Variants in TMTC3 observed in about 807,000 individuals in gnomAD.
TMTC3 encodes the protein transmembrane O-mannosyltransferase targeting cadherins 3.
TMTC3 carries 52 observed loss-of-function variants against 92.2 expected under a neutral mutation model. That is an observed-to-expected ratio of 0.56 (90% CI 0.45 to 0.71). The LOEUF (loss-of-function observed/expected upper bound fraction) is 0.71. Ranked by LOEUF, TMTC3 falls within the 30% of genes least tolerant of loss-of-function variation. TMTC3 has a pLI of 0.00. For missense variants in TMTC3, 896 were observed against 1,057.1 expected, an observed-to-expected ratio of 0.85 and a Z score of 2.11; for synonymous variants, 339 against 363.3, an observed-to-expected ratio of 0.93 and a Z score of 0.76.
chr12:88,160,356 C>G (rs1173654210), intron 5 of TMTC3, 127 bp downstream of exon 5: 2 of 588,186 alleles, frequency 3.4e-6, no homozygotes, highest in Non-Finnish European at 5.5e-6. Context: ...AATAATAATA[C>G]CAGAAATCAT....
intron 4 of TMTC3, among the ~76,000 whole-genome samples, chr12:88,159,365 A>G (rs1305199134): frequency 6.6e-6 from 1 of 152,154 alleles, no homozygotes; most frequent in African/African-American, 2.4e-5. Context: ...ATTGTTAACC[A>G]CTTTCATTTT....
intron 7 of TMTC3, among the ~76,000 whole-genome samples, chr12:88,167,648 G>T (rs1033961449): frequency 2.0e-5 from 3 of 152,048 alleles, no homozygotes; most frequent in Non-Finnish European, 4.4e-5. Flanking sequence ...CACAGTTCAC[G>T]TTTCCAGAGA....
Position 88,166,578 on chromosome 12 carries a change from T to G in TMTC3, c.1046T>G (p.Leu349Ter). 1 of 1,610,604 alleles carries G rather than the reference T, an allele frequency of 6.2e-7. No individual in the cohort carries two copies. The highest frequency in any genetic ancestry group is 8.5e-7 in the Non-Finnish European group (1 of 1,178,922). The change falls in exon 7 of 14, where the codon TTA (leucine) becomes TGA (stop). Residue 349 changes from leucine (L) to a stop codon, truncating the protein, a stop_gained. Coordinates refer to ENST00000266712, the MANE Select transcript of TMTC3 (RefSeq NM_181783.4). LOFTEE classifies it high-confidence loss of function. ...TCTGGTGATTCCTCCAAGACTGTTT[T>G]AATGGTAAGAAACTTTTCTTAACTT... is the stretch of plus-strand genomic sequence containing the variant. Reference protein sequence around the residue: ...RYSGDSSKTVLMALCLMALPF... With the variant: ...RYSGDSSKTV
intron 1 of TMTC3, among the ~76,000 whole-genome samples, chr12:88,144,289 T>C (rs1313948320): frequency 1.3e-5 from 2 of 152,200 alleles, no homozygotes; most frequent in East Asian, 3.8e-4. Flanking sequence ...CAAATACCTC[T>C]GACAATGGTA....
chr12:88,165,504 A>G (rs114934122), intron 6 of TMTC3, among the ~76,000 whole-genome samples: 3 of 151,970 alleles, frequency 2.0e-5, no homozygotes, highest in Non-Finnish European at 1.5e-5. Flanking sequence ...CAAATATTTG[A>G]TATGTTTTCA....
chr12:88,150,726 G>A (rs1236565684), intron 2 of TMTC3, among the ~76,000 whole-genome samples: 1 of 152,104 alleles, frequency 6.6e-6, no homozygotes, highest in Non-Finnish European at 1.5e-5. Flanking sequence ...TTCATGATAA[G>A]CCTGGAATTA....
chr12:88,153,147 T>A (rs1446749255), intron 2 of TMTC3, 144 bp from the exon 3 acceptor site: 4 of 569,812 alleles, frequency 7.0e-6, no homozygotes, highest in Non-Finnish European at 1.2e-5. Context: ...TATTTTTGTG[T>A]TACTCTTACG....
intron 2 of TMTC3, among the ~76,000 whole-genome samples, chr12:88,152,089 A>G (rs2138364777): frequency 6.6e-6 from 1 of 152,338 alleles, no homozygotes; most frequent in Non-Finnish European, 1.5e-5. Flanking sequence ...AAGAAGCTGA[A>G]TATGGATGCG....
chr12:88,192,854 GTT>G, intron 13 of TMTC3, 24 bp downstream of exon 13: 1 of 1,574,118 alleles, frequency 6.4e-7, no homozygotes, highest in Non-Finnish European at 8.6e-7. Context: ...AAATATTTCT[GTT>G]TATATAAATT....
chr12:88,155,088 G>A (rs2040990663), intron 4 of TMTC3, among the ~76,000 whole-genome samples: 1 of 152,126 alleles, frequency 6.6e-6, no homozygotes, highest in African/African-American at 2.4e-5. Context: ...AACATCTTAA[G>A]AGTGTTCTGG....
intron 1 of TMTC3, among the ~76,000 whole-genome samples, chr12:88,146,201 A>G (rs1031403396): frequency 6.6e-6 from 1 of 152,130 alleles, no homozygotes; most frequent in African/African-American, 2.4e-5. Context: ...TCCACAACTG[A>G]GCTCGTAACA....
rs976801675 is a variant in TMTC3, at chr12:88,153,250, C to T, written c.190-41C>T. 2.8e-6 allele frequency: 4 copies of T among 1,449,690 alleles called. No individual in the cohort carries two copies. In the African/African-American group the frequency reaches 5.6e-5, roughly 20 times the overall value. 89.8% of individuals were successfully genotyped at this position (1,449,690 alleles called of 1,614,324 possible). ...TGATGAGCTTTTGTACCCTGTTGGA[C>T]CAAGGTACTTTAATAATCACTGATC... is the stretch of plus-strand genomic sequence containing the variant. On this transcript the variant is annotated intron_variant, in intron 2 of 13. Transcript: ENST00000266712.
intron 7 of TMTC3, among the ~76,000 whole-genome samples, chr12:88,170,617 A>G (rs1021631833): frequency 2.6e-5 from 4 of 152,320 alleles, no homozygotes; most frequent in Middle Eastern, 6.8e-3. Context: ...ATTCTTTTCA[A>G]TGTATACACC....
intron 10 of TMTC3, among the ~76,000 whole-genome samples, chr12:88,177,070 A>G (rs2041267513): frequency 2.0e-5 from 3 of 152,114 alleles, no homozygotes; most frequent in Non-Finnish European, 2.9e-5. Flanking sequence ...TCAAGTCTGT[A>G]ATCCCAGCAC....
intron 5 of TMTC3, 62 bp from the exon 6 acceptor site, chr12:88,160,617 A>G (rs2041065104): frequency 1.4e-5 from 19 of 1,395,098 alleles, no homozygotes; most frequent in Non-Finnish European, 1.8e-5. Flanking sequence ...AAAGTACTAC[A>G]GTATTGAAAA....
chr12:88,173,099 A>G, intron 8 of TMTC3: 1 of 1,267,998 alleles, frequency 7.9e-7, no homozygotes, highest in Non-Finnish European at 1.0e-6. Context: ...AGTGAGTCAT[A>G]TTGAGTTAAT....
At position 88,195,641 on chromosome 12, in the gene TMTC3, G is replaced by T. The variant is rs766251930; in HGVS notation, c.2737G>T (p.Gly913Cys). 1.3e-6 allele frequency: 2 copies of T among 1,583,478 alleles called. No individual in the cohort carries two copies. Among genetic ancestry groups the T allele is most frequent in the South Asian group, 1.2e-5 (1 of 84,918 alleles). ...RLEEIERILN[G>C]E is the part of the protein sequence containing the mutation. ...AGAAGAGATTGAACGTATTTTAAAT[G>T]GTGAATAACATTAATATTTATCGTG... The change falls in exon 14 of 14, where the codon GGT becomes TGT. Residue 913 changes from glycine (G) to cysteine (C), a missense_variant. By Grantham distance (159) the Gly-to-Cys change is radical (BLOSUM62 -3). Coordinates refer to ENST00000266712, the MANE Select transcript of TMTC3 (RefSeq NM_181783.4).
intron 2 of TMTC3, among the ~76,000 whole-genome samples, chr12:88,148,903 G>A (rs2040908492): frequency 6.6e-6 from 1 of 152,034 alleles, no homozygotes; most frequent in Admixed American, 6.6e-5. Flanking sequence ...ATATATTTAT[G>A]TGAAAACCAA....
chr12:88,176,045 G>A (rs1664060451), intron 9 of TMTC3, among the ~76,000 whole-genome samples, 163 bp from the exon 10 acceptor site: 1 of 152,106 alleles, frequency 6.6e-6, no homozygotes, highest in Non-Finnish European at 1.5e-5. Context: ...TCAGGTTCAG[G>A]GAGAGTAAAT....
Sources: gnomAD v4.1 joint callset for allele counts (sites outside exome capture counted in the v4.1 genomes callset) on GRCh38, gnomAD v4.1.1 for gene constraint, MANE v1.5 for transcripts, NCBI Gene and HGNC (gene_info 2026-07-23, HGNC 2026-07-21) for gene names.